The following HACE1 variants were observed in gnomAD, a reference collection of about 807,000 sequenced individuals.
The protein encoded by HACE1 is E3 ubiquitin-protein ligase HACE1.
A neutral mutation model predicts 118.4 loss-of-function variants in HACE1; 73 were observed. The ratio of observed to expected loss-of-function variants is 0.62; its 90% CI spans 0.51 to 0.75. The LOEUF (loss-of-function observed/expected upper bound fraction) is 0.75, where lower values mean the gene tolerates loss of function less well. HACE1 is among the 30% of genes least tolerant of loss of function. The pLI is 0.00. For synonymous variants in HACE1, 368 were observed against 374.8 expected (o/e 0.98, Z 0.21); for missense variants, 749 against 1,102.2 (o/e 0.68, Z 4.54).
chr6:104,771,466 C>CTACAGATAT, intron 18 of HACE1, 77 bp from the exon 19 acceptor site: 1 of 862,342 alleles, frequency 1.2e-6, no homozygotes. Flanking sequence ...ATACTGCCCT[C>CTACAGATAT]TACAGATATT....
intron 4 of HACE1, among the ~76,000 whole-genome samples, chr6:104,844,964 C>G (rs1361947504): frequency 6.6e-6 from 1 of 151,834 alleles, no homozygotes. Flanking sequence ...ACACCCGGCC[C>G]CCATCACAAC....
chr6:104,759,326 G>A (rs1779069701), intron 19 of HACE1, among the ~76,000 whole-genome samples: 1 of 152,090 alleles, frequency 6.6e-6, no homozygotes. Context: ...AAATGTAAAA[G>A]AAAAGAAATC....
At chr6:104,821,319 T>TA (rs1483115980) in intron 6 of HACE1, among the ~76,000 whole-genome samples, 1 of 152,048 alleles carries the variant, frequency 6.6e-6, no homozygotes, top group Non-Finnish European at 1.5e-5. Context: ...CCTGTATTTG[T>TA]ACCCCTGAAC....
intron 7 of HACE1, among the ~76,000 whole-genome samples, chr6:104,803,619 G>A (rs926842298): frequency 3.3e-5 from 5 of 152,274 alleles, no homozygotes; most frequent in African/African-American, 1.2e-4. Flanking sequence ...AAAACCACAT[G>A]ATTATCTCAA....
In HACE1 at chr6:104,750,441, C is replaced by T. The variant is rs754816505; in HGVS notation, c.2243G>A (p.Arg748Gln). ...CTGAGGCTGAATGGCTCTTGTCATT[C>T]GAAGTTCAGTAACAAGCTGGACGTA... ...AEYVQLVTEL[R>Q]MTRAIQPQIN... Residue 748 changes from arginine to glutamine, a missense_variant, in exon 20 of 24, where the codon CGA becomes CAA. Arg to Gln is a conservative substitution (Grantham distance 43). Around this residue, in one of 5 missense-constraint regions of HACE1, gnomAD observed 165 missense variants for 229.9 expected, o/e 0.72. Transcript: ENST00000262903. 1 of 1,613,528 alleles carries T rather than the reference C, an allele frequency of 6.2e-7. No individual in the cohort carries two copies. The highest frequency in any genetic ancestry group is 8.5e-7 in the Non-Finnish European group (1 of 1,179,668).
At chr6:104,736,217 A>T (rs1429599013) in intron 22 of HACE1, among the ~76,000 whole-genome samples, 1 of 151,610 alleles carries the variant, frequency 6.6e-6, no homozygotes, top group Non-Finnish European at 1.5e-5. Flanking sequence ...AACAAAAAAA[A>T]GTTTTTCTTT....
At position 104,784,494 on chromosome 6, in the gene HACE1, G is replaced by A; in HGVS notation, c.1410-9C>T. On this transcript the variant is annotated splice_polypyrimidine_tract_variant and intron_variant, in intron 12 of 23. Coordinates refer to ENST00000262903, the MANE Select transcript of HACE1 (RefSeq NM_020771.4). ...AACGAGGTGAAGTCATTCTGTGGGGGGAAAACATCAATCAGAATACACAGG... is the reference window on the plus strand; with the variant it reads ...AACGAGGTGAAGTCATTCTGTGGGGAGAAAACATCAATCAGAATACACAGG... The A allele has an allele frequency of 6.3e-7, 1 of 1,598,258 alleles. No homozygotes were observed. Among genetic ancestry groups the A allele is most frequent in the Non-Finnish European group, 8.6e-7 (1 of 1,165,962 alleles).
In HACE1 at chr6:104,791,632, G is replaced by C. The variant is rs1156454075; in HGVS notation, c.946C>G (p.Gln316Glu). 6.2e-7 allele frequency: 1 copy of C among 1,610,184 alleles called. No individual in the cohort carries two copies. The highest frequency in any genetic ancestry group is 8.5e-7 in the Non-Finnish European group (1 of 1,176,736). Reference sequence around the variant, plus strand: ...ACAATCCTTAAAAGGCTCTTCATTTGAGCATCATAATTGCTAGAGAGGCTG... The same window carrying C: ...ACAATCCTTAAAAGGCTCTTCATTTCAGCATCATAATTGCTAGAGAGGCTG... ...LLSLSSNYDAQMKSLLRIVRM... is the reference protein window; with the variant it reads ...LLSLSSNYDAEMKSLLRIVRM... Residue 316 changes from glutamine to glutamate, a missense_variant, in exon 11 of 24, where the codon CAA becomes GAA. By Grantham distance (29) the Gln-to-Glu change is conservative (BLOSUM62 2). Around this residue, in one of 5 missense-constraint regions of HACE1, gnomAD observed 267 missense variants for 312.2 expected, o/e 0.86. Coordinates refer to ENST00000262903, the MANE Select transcript of HACE1 (RefSeq NM_020771.4).
chr6:104,829,376 T>G (rs1259623244), intron 6 of HACE1, among the ~76,000 whole-genome samples: 1 of 152,146 alleles, frequency 6.6e-6, no homozygotes, highest in Non-Finnish European at 1.5e-5. Context: ...GAGATGTGAA[T>G]GTGTCCCAGA....
Position 104,859,721 on chromosome 6 carries a change from T to C in HACE1, c.-79A>G. 3 of 1,291,302 alleles carry C rather than the reference T, an allele frequency of 2.3e-6. No homozygotes were observed. The highest frequency in any genetic ancestry group is 3.2e-6 in the Non-Finnish European group (3 of 938,082). 80.0% of individuals were successfully genotyped at this position (1,291,302 alleles called of 1,614,324 possible). A position where few individuals can be genotyped will look rare whatever the true frequency, so the allele number is the denominator to read the frequency against. On this transcript the variant is annotated 5_prime_UTR_variant, in exon 1 of 24. Coordinates refer to ENST00000262903, the MANE Select transcript of HACE1 (RefSeq NM_020771.4). ...CGCGCCCAGAGCCCTACATCTCGCC[T>C]GGGCCCGTCCAGCAGGCGGAGACGC...
At chr6:104,843,180 A>G (rs778674680) in intron 5 of HACE1, 43 bp downstream of exon 5, 1 of 1,006,522 alleles carries the variant, frequency 9.9e-7, no homozygotes, top group South Asian at 1.3e-5. Flanking sequence ...ATCATTTTCT[A>G]AAACATACTT....
chr6:104,748,181 T>C (rs1582644513), intron 20 of HACE1, among the ~76,000 whole-genome samples: 1 of 151,702 alleles, frequency 6.6e-6, no homozygotes, highest in Non-Finnish European at 1.5e-5. Flanking sequence ...AAAATATTCA[T>C]AATACATATA....
intron 10 of HACE1, among the ~76,000 whole-genome samples, chr6:104,794,019 CA>C (rs1169982961): frequency 6.6e-6 from 1 of 152,146 alleles, no homozygotes; most frequent in African/African-American, 2.4e-5. Context: ...CCTGTCCCAC[CA>C]ACCACCCCTG....
In HACE1 at chr6:104,852,424, G is replaced by A. The variant is rs561776664; in HGVS notation, c.77-53C>T. 7.7e-6 allele frequency: 8 copies of A among 1,037,660 alleles called. No homozygotes were observed. In the African/African-American group the frequency reaches 1.1e-4, roughly 14 times the overall value. 64.3% of individuals were successfully genotyped at this position (1,037,660 alleles called of 1,614,324 possible). On this transcript the variant is annotated intron_variant, in intron 1 of 23. Coordinates refer to ENST00000262903, the MANE Select transcript of HACE1 (RefSeq NM_020771.4). ...TTATCCCCTACTTTGTGCAAGGGGTGATACTTAAGATTAGTTTAGAATTTT... is the reference window on the plus strand; with the variant it reads ...TTATCCCCTACTTTGTGCAAGGGGTAATACTTAAGATTAGTTTAGAATTTT...
At chr6:104,749,829 A>C (rs1777846758) in intron 20 of HACE1, among the ~76,000 whole-genome samples, 1 of 152,124 alleles carries the variant, frequency 6.6e-6, no homozygotes, top group Non-Finnish European at 1.5e-5. Context: ...CCAAACATTC[A>C]TTAGGGACTA....
At chr6:104,848,820 CAAT>C (rs1775904161) in intron 4 of HACE1, among the ~76,000 whole-genome samples, 1 of 152,016 alleles carries the variant, frequency 6.6e-6, no homozygotes. Context: ...TCAGAAAATA[CAAT>C]GTCACTATAA....
chr6:104,769,312 T>C (rs552024598), intron 19 of HACE1, among the ~76,000 whole-genome samples: 1 of 152,204 alleles, frequency 6.6e-6, no homozygotes, highest in East Asian at 1.9e-4. Flanking sequence ...TGGAATACAA[T>C]TGTTACTAGA....
chr6:104,772,013 C>T lies in HACE1; in HGVS notation c.1926G>A (p.Arg642=). 1 of 1,609,918 alleles carries T rather than the reference C, an allele frequency of 6.2e-7. No homozygotes were observed. The highest frequency in any genetic ancestry group is 8.5e-7 in the Non-Finnish European group (1 of 1,176,418). The change falls in exon 18 of 24, where the codon CGG becomes CGA. Residue 642 remains arginine, a synonymous_variant. Coordinates refer to ENST00000262903, the MANE Select transcript of HACE1 (RefSeq NM_020771.4). ...YVNPDHLNYF[R]FAGQILGLAL... ...CTAATCCCAAGATCTGCCCAGCAAA[C>T]CGAAAATAGTTCAAGTGATCAGGAT...
At chr6:104,826,361 T>C (rs943073042) in intron 6 of HACE1, among the ~76,000 whole-genome samples, 1 of 152,214 alleles carries the variant, frequency 6.6e-6, no homozygotes, top group Non-Finnish European at 1.5e-5. Flanking sequence ...AGTGACAAGA[T>C]GTAAATAAAC....
Sources: allele counts gnomAD v4.1 joint callset (sites outside exome capture counted in the v4.1 genomes callset), GRCh38; gene constraint gnomAD v4.1.1; regional missense constraint gnomAD v4.1.1; transcripts MANE v1.5; gene names NCBI Gene and HGNC (gene_info 2026-07-23, HGNC 2026-07-21).